Variants in NAV2 observed in about 807,000 individuals in gnomAD.
NAV2 encodes neuron navigator 2.
A neutral mutation model predicts 223.2 loss-of-function variants in NAV2; 54 were observed. The observed-to-expected ratio is 0.24, with a 90% CI of 0.19 to 0.30. The LOEUF is 0.30. Among genes scored for constraint, NAV2 ranks in the 10% least tolerant of loss-of-function variants. The probability of loss-of-function intolerance (pLI) is 1.00; values close to 1 mark genes in which losing one functional copy is unlikely to be tolerated. For missense variants in NAV2, 2,806 were observed against 3,147.5 expected (o/e 0.89, Z 2.60); for synonymous variants, 1,279 against 1,239.3 (o/e 1.03, Z -0.67).
intron 1 of NAV2, among the ~76,000 whole-genome samples, chr11:19,557,924 A>C (rs1330891184): frequency 2.6e-5 from 4 of 152,190 alleles, no homozygotes; most frequent in Non-Finnish European, 5.9e-5. Context: ...ATGTGAGTCC[A>C]TGTGGAGCCT....
chr11:19,661,719 T>A (rs1322895283), intron 1 of NAV2, among the ~76,000 whole-genome samples: 1 of 152,154 alleles, frequency 6.6e-6, no homozygotes, highest in Non-Finnish European at 1.5e-5. Context: ...AGTGTGAAAA[T>A]GTTGAGTAGA....
chr11:19,893,194 A>C (rs2041662287), intron 6 of NAV2, among the ~76,000 whole-genome samples: 2 of 151,992 alleles, frequency 1.3e-5, no homozygotes, highest in African/African-American at 4.8e-5. Context: ...GATGGAGAAA[A>C]ATAGTGAATA....
At position 19,713,793 on chromosome 11, in the gene NAV2, G is replaced by C. The variant is rs762306636; in HGVS notation, c.98G>C (p.Gly33Ala). 1.9e-6 allele frequency: 3 copies of C among 1,612,878 alleles called. No individual in the cohort carries two copies. The highest frequency in any genetic ancestry group is 2.5e-6 in the Non-Finnish European group (3 of 1,179,684). The change falls in exon 1 of 38, where the codon GGC becomes GCC. Residue 33 changes from glycine to alanine, a missense_variant. By Grantham distance (60) the Gly-to-Ala change is moderately conservative (BLOSUM62 0). Transcript: ENST00000349880. The surrounding 1 kb of genome is among the most constrained non-coding windows in gnomAD (Gnocchi z 7.2). ...PILHVPPARAGPQPCYLKLGS... is the reference protein window; with the variant it reads ...PILHVPPARAAPQPCYLKLGS... ...CTGCACGTGCCCCCGGCCCGGGCGG[G>C]CCCCCAGCCCTGCTACCTGAAGTTG...
chr11:20,044,887 G>A (rs2057295309), intron 13 of NAV2, 81 bp from the exon 14 acceptor site: 1 of 1,182,648 alleles, frequency 8.5e-7, no homozygotes, highest in Non-Finnish European at 1.2e-6. Flanking sequence ...CAGCTCTTCA[G>A]AGGAGGAGAG....
chr11:19,482,841 A>G (rs981641503), intron 1 of NAV2, among the ~76,000 whole-genome samples: 3 of 152,192 alleles, frequency 2.0e-5, no homozygotes, highest in Non-Finnish European at 2.9e-5. Flanking sequence ...CCTAAGTGCC[A>G]GTGTGCTGGA....
chr11:19,402,815 G>A (rs943574626), intron 1 of NAV2, among the ~76,000 whole-genome samples: 4 of 152,198 alleles, frequency 2.6e-5, no homozygotes, highest in Non-Finnish European at 5.9e-5. Flanking sequence ...CACATTGTGG[G>A]TTCTCAACAA....
At chr11:19,698,394 T>C (rs2049410606) in intron 1 of NAV2, among the ~76,000 whole-genome samples, 1 of 152,232 alleles carries the variant, frequency 6.6e-6, no homozygotes, top group Non-Finnish European at 1.5e-5. Context: ...TAGATCCCCG[T>C]GGGCCCAGAG....
At chr11:19,483,820 TA>T (rs1369166512) in intron 1 of NAV2, among the ~76,000 whole-genome samples, 3 of 151,996 alleles carry the variant, frequency 2.0e-5, no homozygotes, top group Non-Finnish European at 4.4e-5. Context: ...CCCGCAAGGT[TA>T]AGGGGGGACC....
At chr11:20,049,393 G>A in intron 15 of NAV2, 198 bp downstream of exon 15, 2 of 569,868 alleles carry the variant, frequency 3.5e-6, no homozygotes, top group South Asian at 2.5e-5. Context: ...TTCCTCTGTG[G>A]TTATTTTTGG....
At chr11:19,729,648 G>A (rs1184906397) in intron 1 of NAV2, among the ~76,000 whole-genome samples, 3 of 152,166 alleles carry the variant, frequency 2.0e-5, no homozygotes, top group Admixed American at 1.3e-4. Flanking sequence ...GATGCTCAGG[G>A]CACCAGAGTG....
intron 1 of NAV2, among the ~76,000 whole-genome samples, chr11:19,470,116 A>C (rs929747478): frequency 5.9e-5 from 9 of 152,272 alleles, no homozygotes; most frequent in African/African-American, 2.2e-4. Context: ...GTGCTAGTGG[A>C]GCTATGGGGC....
At chr11:19,825,926 T>C (rs2059623696) in intron 1 of NAV2, among the ~76,000 whole-genome samples, 1 of 152,208 alleles carries the variant, frequency 6.6e-6, no homozygotes, top group Non-Finnish European at 1.5e-5. Context: ...CTGTCTTAGC[T>C]TTCCTTCCCC....
intron 10 of NAV2, among the ~76,000 whole-genome samples, chr11:19,953,379 C>T (rs571934871): frequency 6.6e-6 from 1 of 152,322 alleles, no homozygotes; most frequent in East Asian, 1.9e-4. Context: ...CATTTCCCTT[C>T]ACACACTCCA....
chr11:19,397,039 G>A (rs1414997985), intron 1 of NAV2, among the ~76,000 whole-genome samples: 1 of 152,182 alleles, frequency 6.6e-6, no homozygotes, highest in Non-Finnish European at 1.5e-5. Flanking sequence ...TGCCCTGGAT[G>A]AAGCTTGTAA....
At position 19,949,091 on chromosome 11, in the gene NAV2, G is replaced by A. The variant is rs536192808; in HGVS notation, c.2645+11G>A. ...TGACATTACAAGCGGGTAAGTACCCGGGGCCGCCCTTTCTCCCAGAGAGAA... is the reference window on the plus strand; with the variant it reads ...TGACATTACAAGCGGGTAAGTACCCAGGGCCGCCCTTTCTCCCAGAGAGAA... On this transcript the variant is annotated intron_variant, in intron 10 of 37. Coordinates refer to ENST00000349880, the MANE Select transcript of NAV2 (RefSeq NM_145117.5). 6.4e-6 allele frequency: 10 copies of A among 1,571,390 alleles called. No homozygotes were observed. Among genetic ancestry groups the A allele is most frequent in the East Asian group, 2.3e-5 (1 of 44,298 alleles).
chr11:20,036,237 C>A, intron 12 of NAV2, 140 bp downstream of exon 12: 1 of 953,754 alleles, frequency 1.0e-6, no homozygotes, highest in Non-Finnish European at 1.6e-6. Flanking sequence ...GCCGCCTCTG[C>A]TCTCACCTCC....
chr11:20,051,527 A>G (rs551843206), intron 17 of NAV2, among the ~76,000 whole-genome samples, 194 bp downstream of exon 17: 8 of 152,250 alleles, frequency 5.3e-5, no homozygotes, highest in African/African-American at 1.7e-4. Context: ...TATTTGCTTG[A>G]GCAGGGGCTG....
intron 37 of NAV2, among the ~76,000 whole-genome samples, chr11:20,116,522 A>T (rs545610670): frequency 2.0e-5 from 3 of 152,244 alleles, no homozygotes; most frequent in Non-Finnish European, 4.4e-5. Flanking sequence ...TTGCAGGGGC[A>T]AACTCATGAG....
intron 1 of NAV2, among the ~76,000 whole-genome samples, chr11:19,629,503 A>G (rs954997427): frequency 6.6e-6 from 1 of 151,514 alleles, no homozygotes; most frequent in Non-Finnish European, 1.5e-5. Flanking sequence ...GTACAGACAC[A>G]CACACTCTTT....
Sources: gnomAD v4.1 joint callset for allele counts (sites outside exome capture counted in the v4.1 genomes callset) on GRCh38, gnomAD v4.1.1 for gene constraint, Gnocchi (gnomAD v3.1) non-coding constraint, MANE v1.5 for transcripts, NCBI Gene and HGNC (gene_info 2026-07-23, HGNC 2026-07-21) for gene names.